The following AUTS2 variants were observed in gnomAD, a reference collection of about 807,000 sequenced individuals.
AUTS2 encodes activator of transcription and developmental regulator AUTS2.
A neutral mutation model predicts 112.4 loss-of-function variants in AUTS2; 17 were observed. The observed-to-expected ratio is 0.15, with a 90% CI of 0.10 to 0.23. The LOEUF is 0.23. AUTS2 is among the 10% of genes least tolerant of loss of function. AUTS2 has a pLI of 1.00. For missense variants in AUTS2, 1,510 were observed against 1,701.6 expected (o/e 0.89, Z 1.98); for synonymous variants, 751 against 702.7 (o/e 1.07, Z -1.09).
chr7:70,616,965 C>T (rs560847138), intron 5 of AUTS2, among the ~76,000 whole-genome samples: 24 of 152,182 alleles, frequency 1.6e-4, no homozygotes, highest in African/African-American at 5.5e-4. Flanking sequence ...AAAAAGGATC[C>T]GGTAGTCATG....
chr7:69,705,147 G>T (rs1480184036), intron 1 of AUTS2, among the ~76,000 whole-genome samples: 6 of 152,342 alleles, frequency 3.9e-5, no homozygotes, highest in Admixed American at 3.9e-4. Context: ...GATTACAGGC[G>T]TGAGCCATTG....
At chr7:70,572,285 A>G (rs965749461) in intron 5 of AUTS2, among the ~76,000 whole-genome samples, 4 of 151,996 alleles carry the variant, frequency 2.6e-5, no homozygotes, top group Non-Finnish European at 4.4e-5. Flanking sequence ...GGGCATACTC[A>G]TGTTTTAGGA....
At position 70,441,583 on chromosome 7, in the gene AUTS2, C is replaced by T. The variant is rs899562238; in HGVS notation, c.690+5802C>T. 2.6e-5 allele frequency among the ~76,000 whole-genome samples: 4 copies of T among 152,306 alleles called. No homozygotes were observed. In the East Asian group the frequency reaches 5.8e-4, roughly 22 times the overall value. On this transcript the variant is annotated intron_variant, in intron 5 of 18. Coordinates refer to ENST00000342771, the MANE Select transcript of AUTS2 (RefSeq NM_015570.4). Reference sequence around the variant, plus strand: ...ATTTTATTCTGTAGAGATGGAGTCTCACTATGTTGCCCACACTGGTCTCAA... The same window carrying T: ...ATTTTATTCTGTAGAGATGGAGTCTTACTATGTTGCCCACACTGGTCTCAA...
intron 1 of AUTS2, among the ~76,000 whole-genome samples, chr7:69,771,979 T>G (rs1297497247): frequency 6.6e-6 from 1 of 152,020 alleles, no homozygotes; most frequent in African/African-American, 2.4e-5. Flanking sequence ...GAGATGGAGT[T>G]TCTCCATGTT....
At chr7:70,090,939 A>G (rs1202165787) in intron 2 of AUTS2, among the ~76,000 whole-genome samples, 2 of 152,156 alleles carry the variant, frequency 1.3e-5, no homozygotes, top group African/African-American at 4.8e-5. Flanking sequence ...TCTGCCTCCC[A>G]AAGTGCTGGG....
chr7:69,599,795 C>T lies in AUTS2; in HGVS notation c.142C>T (p.Leu48Phe), dbSNP rs1475544687. The T allele has an allele frequency of 6.3e-7, 1 of 1,583,486 alleles. No individual in the cohort carries two copies. The highest frequency in any genetic ancestry group is 1.8e-5 in the Admixed American group (1 of 56,580). The change falls in exon 1 of 19, where the codon CTC becomes TTC. Residue 48 changes from leucine (L) to phenylalanine (F), a missense_variant. This residue lies in a region of AUTS2 where 535 missense variants were observed against 594.3 expected (regional missense o/e 0.90). Coordinates refer to ENST00000342771, the MANE Select transcript of AUTS2 (RefSeq NM_015570.4). This position sits in a 1 kb window ranked among gnomAD's most constrained non-coding sequence, Gnocchi z 7.0. ...GGCTGGCCGGACCCGGGCGCTCTCA[C>T]TCGCCTCGTCGTCGGGCTCCGACAA... ...GGAGRTRALS[L>F]ASSSGSDKED...
chr7:70,021,899 G>A (rs1800293487), intron 2 of AUTS2, among the ~76,000 whole-genome samples: 1 of 152,010 alleles, frequency 6.6e-6, no homozygotes, highest in African/African-American at 2.4e-5. Context: ...TGAGATAAAT[G>A]TGTGTAAGTG....
intron 4 of AUTS2, among the ~76,000 whole-genome samples, chr7:70,169,162 A>G (rs1407910615): frequency 6.6e-6 from 1 of 152,144 alleles, no homozygotes; most frequent in Non-Finnish European, 1.5e-5. Context: ...TTAAGGAAAA[A>G]ATAATATTTC....
At chr7:70,125,647 A>G (rs1225340846) in intron 3 of AUTS2, among the ~76,000 whole-genome samples, 1 of 151,896 alleles carries the variant, frequency 6.6e-6, no homozygotes. Flanking sequence ...GCCTCCCCTT[A>G]TTCTCAACTG....
chr7:69,667,288 G>A (rs1017083247), intron 1 of AUTS2, among the ~76,000 whole-genome samples: 27 of 151,666 alleles, frequency 1.8e-4, no homozygotes, highest in African/African-American at 5.6e-4. Context: ...TTCAATGTGA[G>A]TTTTGGAGCA....
chr7:70,605,546 C>CTTTTTTTTTTTTTTTTTTTTTTTCT, intron 5 of AUTS2, among the ~76,000 whole-genome samples: 1 of 70,664 alleles, frequency 1.4e-5, no homozygotes, highest in African/African-American at 6.6e-5. Flanking sequence ...CCTTCTTTCT[C>CTTTTTTTTTTTTTTTTTTTTTTTCT]TTTTTTTTTT....
At chr7:70,051,585 G>A (rs1267665182) in intron 2 of AUTS2, among the ~76,000 whole-genome samples, 1 of 152,018 alleles carries the variant, frequency 6.6e-6, no homozygotes, top group Non-Finnish European at 1.5e-5. Context: ...CAGGCGTGGT[G>A]GTGGGCACCT....
At chr7:69,681,591 A>G (rs1796799642) in intron 1 of AUTS2, among the ~76,000 whole-genome samples, 1 of 152,164 alleles carries the variant, frequency 6.6e-6, no homozygotes, top group Non-Finnish European at 1.5e-5. Context: ...GTGTTGATAG[A>G]CTTAGGCTGC....
chr7:69,884,917 C>T (rs1200562094), intron 1 of AUTS2, among the ~76,000 whole-genome samples: 1 of 152,186 alleles, frequency 6.6e-6, no homozygotes, highest in African/African-American at 2.4e-5. Context: ...GTGGGTATAT[C>T]TTAAGCACTT....
intron 1 of AUTS2, among the ~76,000 whole-genome samples, chr7:69,857,152 T>C (rs1389083368): frequency 6.6e-6 from 1 of 152,190 alleles, no homozygotes; most frequent in Admixed American, 6.5e-5. Context: ...ATGTGCAGTG[T>C]ATTCACACAT....
In AUTS2 at chr7:70,137,320, A is replaced by G. The variant is rs149400511; in HGVS notation, c.660+2749A>G. ...GTGGGTGTTATACACACAGAGAGAC[A>G]CACATATATATTCATTACATACTCA... On this transcript the variant is annotated intron_variant, in intron 4 of 18. Transcript: ENST00000342771. Among the ~76,000 whole-genome samples the G allele has an allele frequency of 1.5e-3, 231 of 152,308 alleles. 1 individual carries two copies. The highest frequency in any genetic ancestry group is 4.7e-3 in the African/African-American group (194 of 41,592).
chr7:70,356,462 T>C (rs1311211630), intron 4 of AUTS2, among the ~76,000 whole-genome samples: 4 of 152,244 alleles, frequency 2.6e-5, no homozygotes, highest in Admixed American at 1.3e-4. Context: ...CCTAATCATT[T>C]GAGGAGAAGG....
chr7:70,587,658 C>G (rs1301353592), intron 5 of AUTS2, among the ~76,000 whole-genome samples: 1 of 152,240 alleles, frequency 6.6e-6, no homozygotes, highest in African/African-American at 2.4e-5. Flanking sequence ...ACATGACTTT[C>G]TGTCTTCCAT....
At chr7:70,250,124 G>T (rs1365678471) in intron 4 of AUTS2, among the ~76,000 whole-genome samples, 1 of 151,962 alleles carries the variant, frequency 6.6e-6, no homozygotes, top group Non-Finnish European at 1.5e-5. Context: ...ACTTTGAATA[G>T]CTGTGAATCT....
Sources: gnomAD v4.1 joint callset for allele counts (sites outside exome capture counted in the v4.1 genomes callset) on GRCh38, gnomAD v4.1.1 for gene constraint, gnomAD v4.1.1 regional missense constraint, Gnocchi (gnomAD v3.1) non-coding constraint, MANE v1.5 for transcripts, NCBI Gene and HGNC (gene_info 2026-07-23, HGNC 2026-07-21) for gene names.